Variants in ATP1A1 observed in about 807,000 individuals in gnomAD.
ATP1A1 encodes ATPase Na+/K+ transporting subunit alpha 1.
In ATP1A1, 14 loss-of-function variants were observed where a neutral mutation model predicts 114.8. The ratio of observed to expected loss-of-function variants is 0.12; its 90% CI spans 0.08 to 0.19. ATP1A1 has a LOEUF of 0.19. Among genes scored for constraint, ATP1A1 ranks in the 10% least tolerant of loss-of-function variants. The probability of loss-of-function intolerance (pLI) is 1.00; values close to 1 mark genes in which losing one functional copy is unlikely to be tolerated. For synonymous variants in ATP1A1, 471 were observed against 466.3 expected (o/e 1.01, Z -0.13); for missense variants, 524 against 1,290.7 (o/e 0.41, Z 9.10).
At chr1:116,403,774 C>A in intron 21 of ATP1A1, 110 bp from the exon 22 acceptor site, 2 of 935,582 alleles carry the variant, frequency 2.1e-6, no homozygotes, top group Non-Finnish European at 3.3e-6. Flanking sequence ...CTGTACTTGG[C>A]TTCTCCTTTC....
Position 116,387,596 on chromosome 1 carries a change from GA to G in ATP1A1, c.387+107del, listed in dbSNP as rs1652185220. 2 of 1,253,208 alleles carry G rather than the reference GA, an allele frequency of 1.6e-6. No homozygotes were observed. Among genetic ancestry groups the G allele is most frequent in the Non-Finnish European group, 2.2e-6 (2 of 895,374 alleles). 77.6% of individuals were successfully genotyped at this position (1,253,208 alleles called of 1,614,324 possible). ...TTACCACTCATTACTTAATGGTTAT[GA>G]ACTCATTACTTAATGGTTATGAACA... On this transcript the variant is annotated intron_variant, in intron 4 of 22. Transcript: ENST00000295598. This position sits in a 1 kb window ranked among gnomAD's most constrained non-coding sequence, Gnocchi z 6.7.
rs537185795 is a variant in ATP1A1 at position 116,387,560 on chromosome 1, C to A, written c.387+69C>A. 5.6e-5 allele frequency: 86 copies of A among 1,526,284 alleles called. No homozygotes were observed. In the East Asian group the frequency reaches 1.9e-3, roughly 35 times the overall value. The allele number at this position is 1,526,284 out of a possible 1,614,324, so 94.5% of individuals were successfully genotyped here. The stretch of plus-strand genomic sequence containing the variant: ...ATATCTTCTCCGTCTTTGTCTCCCA[C>A]TTCTTCTCAATTACCACTCATTACT... On this transcript the variant is annotated intron_variant, in intron 4 of 22. Transcript: ENST00000295598. This position sits in a 1 kb window ranked among gnomAD's most constrained non-coding sequence, Gnocchi z 6.7.
In ATP1A1 at chr1:116,404,459, C is replaced by G; in HGVS notation, c.*15C>G. 1 of 1,607,646 alleles carries G rather than the reference C, an allele frequency of 6.2e-7. No homozygotes were observed. Among genetic ancestry groups the G allele is most frequent in the Non-Finnish European group, 8.5e-7 (1 of 1,178,178 alleles). Reference sequence around the variant, plus strand: ...CCTACTATTAGCCCCCCGTCCTGCACGCCGTGGAGCATCAGGCCACACACT... The same window carrying G: ...CCTACTATTAGCCCCCCGTCCTGCAGGCCGTGGAGCATCAGGCCACACACT... On this transcript the variant is annotated 3_prime_UTR_variant, in exon 23 of 23. Transcript: ENST00000295598. This position sits in a 1 kb window ranked among gnomAD's most constrained non-coding sequence, Gnocchi z 4.8.
At chr1:116,375,910 A>G (rs1651337231) in intron 1 of ATP1A1, among the ~76,000 whole-genome samples, 1 of 152,204 alleles carries the variant, frequency 6.6e-6, no homozygotes, top group Non-Finnish European at 1.5e-5. Flanking sequence ...GTGATTTTAT[A>G]TGTCCTTAAA....
At position 116,374,534 on chromosome 1, in the gene ATP1A1, G is replaced by C. The variant is rs1255419930; in HGVS notation, c.12+1011G>C. On this transcript the variant is annotated intron_variant, in intron 1 of 22. Coordinates refer to ENST00000295598, the MANE Select transcript of ATP1A1 (RefSeq NM_000701.8). ...GGTCTTGGGGCTGGAGAGCGGCGCGGAGCGTGGTGGGAATATCGTCACAAC... is the reference window on the plus strand; with the variant it reads ...GGTCTTGGGGCTGGAGAGCGGCGCGCAGCGTGGTGGGAATATCGTCACAAC... 2.0e-5 allele frequency among the ~76,000 whole-genome samples: 3 copies of C among 152,320 alleles called. No homozygotes were observed. In the East Asian group the frequency reaches 5.8e-4, roughly 29 times the overall value.
At chr1:116,374,383 A>C in intron 1 of ATP1A1, 1 of 1,251,852 alleles carries the variant, frequency 8.0e-7, no homozygotes, top group South Asian at 1.3e-5. Flanking sequence ...AGGCAGACCC[A>C]CCAGGGCCTC....
At position 116,384,635 on chromosome 1, in the gene ATP1A1, T is replaced by C; in HGVS notation, c.124-148T>C. 1 of 653,690 alleles carries C rather than the reference T, an allele frequency of 1.5e-6. No homozygotes were observed. The highest frequency in any genetic ancestry group is 2.0e-5 in the South Asian group (1 of 49,380). 40.5% of individuals were successfully genotyped at this position (653,690 alleles called of 1,614,324 possible). ...GTGTGGTTGCAAAGCCACAAAGCGATGGTGAAAATTGTACCAACTTATGCA... is the reference window on the plus strand; with the variant it reads ...GTGTGGTTGCAAAGCCACAAAGCGACGGTGAAAATTGTACCAACTTATGCA... On this transcript the variant is annotated intron_variant, in intron 2 of 22. Coordinates refer to ENST00000295598, the MANE Select transcript of ATP1A1 (RefSeq NM_000701.8). The surrounding 1 kb of genome is among the most constrained non-coding windows in gnomAD (Gnocchi z 5.1).
rs373169902 is a variant in ATP1A1 at position 116,399,210 on chromosome 1, AGT to A, written c.2448+133_2448+134del. 39 of 1,447,666 alleles carry A rather than the reference AGT, an allele frequency of 2.7e-5. No individual in the cohort carries two copies. In the East Asian group the frequency reaches 5.3e-4, roughly 20 times the overall value. The allele number at this position is 1,447,666 out of a possible 1,614,324, so 89.7% of individuals were successfully genotyped here. ...AAAGAAATTCTCAGGACCAGTATCC[AGT>A]GTGTGTCCCAATCCCGGCTTCACAG... On this transcript the variant is annotated intron_variant, in intron 17 of 22. Transcript: ENST00000295598. The surrounding 1 kb of genome is among the most constrained non-coding windows in gnomAD (Gnocchi z 5.0).
rs1653011465 is a variant in ATP1A1 at position 116,397,296 on chromosome 1, G to A, written c.1973+562G>A. 6.6e-6 allele frequency among the ~76,000 whole-genome samples: 1 copy of A among 151,702 alleles called. No individual in the cohort carries two copies. Among genetic ancestry groups the A allele is most frequent in the Non-Finnish European group, 1.5e-5 (1 of 67,712 alleles). On this transcript the variant is annotated intron_variant, in intron 14 of 22. Transcript: ENST00000295598. The surrounding 1 kb of genome is among the most constrained non-coding windows in gnomAD (Gnocchi z 4.2). ...TAGAGGAGGGTTTGGTCTTGTATCA[G>A]CTCTGCCACTTTCTAAAACTTGGTT...
rs1307855419 is a variant in ATP1A1, at chr1:116,395,201, C to T, written c.1752C>T (p.Cys584=). ...DDVNFPIDNL[C]FVGLISMIDP... The stretch of plus-strand genomic sequence containing the variant: ...TGAATTTCCCTATCGATAATCTGTG[C>T]TTTGTTGGGCTCATCTCCATGATTG... Residue 584 remains cysteine (C), a synonymous_variant, in exon 13 of 23, where the codon TGC becomes TGT. Transcript: ENST00000295598. This position sits in a 1 kb window ranked among gnomAD's most constrained non-coding sequence, Gnocchi z 6.4. 1.9e-6 allele frequency: 3 copies of T among 1,614,034 alleles called. No homozygotes were observed. The African/African-American group carries it at 4.0e-5, about 22-fold the overall frequency.
In ATP1A1 at chr1:116,404,371, A is replaced by C. The variant is rs760870300; in HGVS notation, c.3044-45A>C. The C allele has an allele frequency of 4.3e-6, 7 of 1,612,564 alleles. No homozygotes were observed. The highest frequency in any genetic ancestry group is 1.7e-5 in the Admixed American group (1 of 59,976). On this transcript the variant is annotated intron_variant, in intron 22 of 22. Transcript: ENST00000295598. This position sits in a 1 kb window ranked among gnomAD's most constrained non-coding sequence, Gnocchi z 4.8. ...TTCCCTCTGTAATGCTGGAGCGAGG[A>C]AGACTCACTGTAGTGTGTCTTGTCT...
chr1:116,400,319 A>C (rs1653338374), intron 18 of ATP1A1, among the ~76,000 whole-genome samples: 1 of 152,188 alleles, frequency 6.6e-6, no homozygotes. Flanking sequence ...TGCTTTTGAG[A>C]GGAAGGAAGA....
intron 21 of ATP1A1, among the ~76,000 whole-genome samples, chr1:116,403,673 C>T (rs1653724889): frequency 6.6e-6 from 1 of 152,164 alleles, no homozygotes; most frequent in South Asian, 2.1e-4. Context: ...GACTGATTTC[C>T]TCTGCGTCTC....
In ATP1A1 at chr1:116,399,614, G is replaced by A. The variant is rs564674909; in HGVS notation, c.2572+71G>A. ...GAGGTGATGGTGTCCACCTCAGGTT[G>A]AGGTTGATTTCAGAGACTGCAAATC... On this transcript the variant is annotated intron_variant, in intron 18 of 22. Coordinates refer to ENST00000295598, the MANE Select transcript of ATP1A1 (RefSeq NM_000701.8). This position sits in a 1 kb window ranked among gnomAD's most constrained non-coding sequence, Gnocchi z 5.0. 1.9e-6 allele frequency: 3 copies of A among 1,592,246 alleles called. No individual in the cohort carries two copies. The East Asian group carries it at 6.7e-5, about 36-fold the overall frequency.
At chr1:116,402,551 A>G (rs916667026) in intron 21 of ATP1A1, among the ~76,000 whole-genome samples, 1 of 152,220 alleles carries the variant, frequency 6.6e-6, no homozygotes, top group African/African-American at 2.4e-5. Flanking sequence ...ATGTGCAGAC[A>G]TCGTCTGTGG....
chr1:116,374,111 G>C, intron 1 of ATP1A1: 2 of 1,528,372 alleles, frequency 1.3e-6, no homozygotes, highest in Non-Finnish European at 1.8e-6. Context: ...GGACGCTGGG[G>C]CTTAGCTTGC....
intron 21 of ATP1A1, 107 bp from the exon 22 acceptor site, chr1:116,403,777 C>T (rs553273441): frequency 1.0e-5 from 10 of 976,978 alleles, no homozygotes; most frequent in African/African-American, 3.3e-5. Flanking sequence ...TACTTGGCTT[C>T]TCCTTTCAGG....
In ATP1A1 at chr1:116,399,654, G is replaced by A. The variant is rs112014183; in HGVS notation, c.2572+111G>A. The A allele has an allele frequency of 3.4e-4, 500 of 1,462,658 alleles. No homozygotes were observed. The highest frequency in any genetic ancestry group is 4.5e-4 in the Non-Finnish European group (482 of 1,077,922). The allele number at this position is 1,462,658 out of a possible 1,614,324, so 90.6% of individuals were successfully genotyped here. A position where few individuals can be genotyped will look rare whatever the true frequency, so the allele number is the denominator to read the frequency against. ...GACTGCAAATCCAGGCGACTTTCAG[G>A]TCTAGGATGAGCCCTAACGGAGTGA... On this transcript the variant is annotated intron_variant, in intron 18 of 22. Transcript: ENST00000295598. This position sits in a 1 kb window ranked among gnomAD's most constrained non-coding sequence, Gnocchi z 5.0.
chr1:116,401,026 C>T lies in ATP1A1; in HGVS notation c.2718+20C>T. The T allele has an allele frequency of 2.5e-6, 4 of 1,613,994 alleles. No individual in the cohort carries two copies. The highest frequency in any genetic ancestry group is 3.4e-6 in the Non-Finnish European group (4 of 1,179,880). On this transcript the variant is annotated intron_variant, in intron 19 of 22. Transcript: ENST00000295598. This position sits in a 1 kb window ranked among gnomAD's most constrained non-coding sequence, Gnocchi z 4.7. ...CAGTGGGTGAGTGGGCACCTCTGAC[C>T]TGACCAGTGTCAGAGCTCCTCAAGC...
Sources: allele counts gnomAD v4.1 joint callset (sites outside exome capture counted in the v4.1 genomes callset), GRCh38; gene constraint gnomAD v4.1.1; non-coding constraint Gnocchi (gnomAD v3.1); transcripts MANE v1.5; gene names NCBI Gene and HGNC (gene_info 2026-07-23, HGNC 2026-07-21).